FAM83H: variants seen among roughly 807,000 people sequenced by gnomAD.
The protein encoded by FAM83H is scaffolding CK1 anchoring protein H, also known as protein FAM83H.
Under a neutral mutation model 30.2 loss-of-function variants are expected in FAM83H, and 24 were observed. The ratio of observed to expected loss-of-function variants is 0.79; its 90% confidence interval spans 0.57 to 1.12. The LOEUF (loss-of-function observed/expected upper bound fraction) is 1.12. Among genes scored for constraint, FAM83H ranks in the 50% most tolerant of loss-of-function variants. FAM83H has a pLI of 0.00. For synonymous variants in FAM83H, 1,013 were observed against 821.7 expected, an observed-to-expected ratio of 1.23 and a Z score of -3.98; for missense variants, 2,038 against 1,773.9, an observed-to-expected ratio of 1.15 and a Z score of -2.67.
rs782248834 is a variant in FAM83H at position 143,728,289 on chromosome 8, G to C, written c.1172C>G (p.Ala391Gly). 2.0e-6 allele frequency: 3 copies of C among 1,505,680 alleles called. No individual in the cohort carries two copies. The highest frequency in any genetic ancestry group is 2.5e-5 in the South Asian group (2 of 80,414). The allele number at this position is 1,505,680 out of a possible 1,614,324, so 93.3% of individuals were successfully genotyped here. A position where few individuals can be genotyped will look rare whatever the true frequency, so the allele number is the denominator to read the frequency against. The change falls in exon 5 of 5, where the codon GCG becomes GGG. Residue 391 changes from alanine to glycine, a missense_variant. Transcript: ENST00000388913. ...CGCCTGGAAGAAGCCCCGCGCGCCC[G>C]CGAGCTCCCCAGCCGGCCCGGCCTC... ...EAEAGPAGEL[A>G]GARGFFQARH... is the part of the protein sequence containing the mutation.
rs782450910 is a variant in FAM83H, at chr8:143,726,578, G to A, written c.2883C>T (p.Val961=). ...TAAGACGCAAGGAGCCTTTGCGCAGGACTTCCATGGGGCCGCTCGGCCCCT... is the reference window on the plus strand; with the variant it reads ...TAAGACGCAAGGAGCCTTTGCGCAGAACTTCCATGGGGCCGCTCGGCCCCT... ...AEEGPSGPME[V]LRKGSLRLRQ... Residue 961 remains valine, a synonymous_variant, in exon 5 of 5, where the codon GTC becomes GTT. Coordinates refer to ENST00000388913, the MANE Select transcript of FAM83H (RefSeq NM_198488.5). 4.4e-6 allele frequency: 7 copies of A among 1,601,842 alleles called. No homozygotes were observed. The highest frequency in any genetic ancestry group is 1.3e-5 in the African/African-American group (1 of 74,896).
rs782789939 is a variant in FAM83H at position 143,728,365 on chromosome 8, C to T, written c.1096G>A (p.Ala366Thr). ...REEPPRMPGG[A>T]LEPHAGLRPL... ...CGCAGCCCCGCGTGCGGTTCCAGCG[C>T]GCCCCCCGGCATCCGCGGCGGCTCC... is the stretch of plus-strand genomic sequence containing the variant. The change falls in exon 5 of 5, where the codon GCG (alanine) becomes ACG (threonine). Residue 366 changes from alanine (A) to threonine (T), a missense_variant. Ala to Thr is a moderately conservative substitution (Grantham distance 58). Coordinates refer to ENST00000388913, the MANE Select transcript of FAM83H (RefSeq NM_198488.5). 2 of 1,543,194 alleles carry T rather than the reference C, an allele frequency of 1.3e-6. No homozygotes were observed. The highest frequency in any genetic ancestry group is 1.4e-5 in the African/African-American group (1 of 72,668).
Position 143,728,438 on chromosome 8 carries a change from G to A in FAM83H, c.1023C>T (p.Pro341=), listed in dbSNP as rs1000926766. 1.3e-6 allele frequency: 2 copies of A among 1,549,952 alleles called. No homozygotes were observed. Among genetic ancestry groups the A allele is most frequent in the African/African-American group, 2.7e-5 (2 of 73,120 alleles). The change falls in exon 5 of 5, where the codon CCC becomes CCT. Residue 341 remains proline (P), a synonymous_variant. Transcript: ENST00000388913. ...AGTGGCGGTCCGGGTCGAGGAAGGA[G>A]GGGAAGCCCAGGCCCTCTTCCCGGG... The part of the protein sequence containing the change: ...PPPREEGLGF[P]SFLDPDRHFL...
chr8:143,725,156 C>CGGGGGGGGGGGGGGGGGGGGAGG lies in FAM83H; in HGVS notation c.*764_*765insCCTCCCCCCCCCCCCCCCCCCCC, dbSNP rs549881150. On this transcript the variant is annotated 3_prime_UTR_variant, in exon 5 of 5. Transcript: ENST00000388913. Reference sequence around the variant, plus strand: ...AAGCCCAGGCGGGGGAGGGGGGAGACGGGGGGGGGGGGGGGGGAGGGAAGG... The same window carrying CGGGGGGGGGGGGGGGGGGGGAGG: ...AAGCCCAGGCGGGGGAGGGGGGAGACGGGGGGGGGGGGGGGGGGGGAGGGGGGGGGGGGGGGGGGGAGGGAAGG... 8.0e-5 allele frequency: 3 copies of CGGGGGGGGGGGGGGGGGGGGAGG among 37,530 alleles called. No individual in the cohort carries two copies. Among genetic ancestry groups the CGGGGGGGGGGGGGGGGGGGGAGG allele is most frequent in the Admixed American group, 2.4e-4 (1 of 4,216 alleles). The allele number at this position is 37,530 out of a possible 1,614,324, so 2.3% of individuals were successfully genotyped here. A position where few individuals can be genotyped will look rare whatever the true frequency, so the allele number is the denominator to read the frequency against.
chr8:143,729,767 G>A (rs1818446078), intron 2 of FAM83H, among the ~76,000 whole-genome samples: 1 of 152,228 alleles, frequency 6.6e-6, no homozygotes, highest in Admixed American at 6.5e-5. Flanking sequence ...AGTCGCTATG[G>A]TTTAACAGCA....
rs533328105 is a variant in FAM83H at position 143,730,292 on chromosome 8, T to C, written c.291A>G (p.Pro97=). Residue 97 remains proline, a synonymous_variant, in exon 2 of 5, where the codon CCA becomes CCG. Coordinates refer to ENST00000388913, the MANE Select transcript of FAM83H (RefSeq NM_198488.5). ...DMDGSSGTYW[P]VNSDQAVPEL... ...CAGGCACGGCCTGGTCTGAGTTCAC[T>C]GGCCAGTATGTACCCGAGGAGCCAT... 2.7e-5 allele frequency: 43 copies of C among 1,613,552 alleles called. No individual in the cohort carries two copies. The highest frequency in any genetic ancestry group is 3.3e-5 in the Non-Finnish European group (39 of 1,180,020).
intron 1 of FAM83H, chr8:143,731,633 C>T: frequency 1.0e-6 from 1 of 985,482 alleles, no homozygotes; most frequent in Non-Finnish European, 1.2e-6. Flanking sequence ...GATAAAACCT[C>T]CCTGGGCCAC....
rs782664291 is a variant in FAM83H, at chr8:143,726,928, G to A, written c.2533C>T (p.Pro845Ser). The A allele has an allele frequency of 3.1e-6, 5 of 1,611,924 alleles. No homozygotes were observed. In the Admixed American group the frequency reaches 5.0e-5, roughly 16 times the overall value. The change falls in exon 5 of 5, where the codon CCG becomes TCG. Residue 845 changes from proline (P) to serine (S), a missense_variant. By Grantham distance (74) the Pro-to-Ser change is moderately conservative (BLOSUM62 -1). Transcript: ENST00000388913. ...GGCAGAGGGCTGTCCAGCCCTTGCG[G>A]GGACGTTGAGTGGCTCTGGGCAGAG... is the stretch of plus-strand genomic sequence containing the variant. ...FLSAQSHSTSPQGLDSPLPLE... is the reference protein window; with the variant it reads ...FLSAQSHSTSSQGLDSPLPLE...
intron 1 of FAM83H, chr8:143,732,015 A>C (rs552438547): frequency 2.0e-6 from 2 of 985,432 alleles, no homozygotes; most frequent in East Asian, 2.3e-4. Flanking sequence ...CCTAGCACAC[A>C]GGTTCCTGAA....
chr8:143,730,870 G>A (rs1818492260), intron 1 of FAM83H, among the ~76,000 whole-genome samples: 1 of 152,164 alleles, frequency 6.6e-6, no homozygotes, highest in South Asian at 2.1e-4. Flanking sequence ...GAGGCAGGAG[G>A]ACTGCTTGAA....
Position 143,727,428 on chromosome 8 carries a change from C to T in FAM83H, c.2033G>A (p.Arg678His). The change falls in exon 5 of 5, where the codon CGC (arginine) becomes CAC (histidine). Residue 678 changes from arginine (R) to histidine (H), a missense_variant. Arg to His is a conservative substitution (Grantham distance 29). Coordinates refer to ENST00000388913, the MANE Select transcript of FAM83H (RefSeq NM_198488.5). ...FRSRLNPLVQ[R>H]SSRLRSSLIF... ...GAGCGAGGAGCGCAGCCTGGAGCTG[C>T]GCTGGACCAGGGGGTTCAGGCGCGA... The T allele has an allele frequency of 1.3e-6, 2 of 1,571,978 alleles. No homozygotes were observed. The highest frequency in any genetic ancestry group is 1.7e-6 in the Non-Finnish European group (2 of 1,166,756).
In FAM83H at chr8:143,726,776, T is replaced by C; in HGVS notation, c.2685A>G (p.Thr895=). The C allele has an allele frequency of 6.2e-7, 1 of 1,611,780 alleles. No homozygotes were observed. Among genetic ancestry groups the C allele is most frequent in the Non-Finnish European group, 8.5e-7 (1 of 1,179,370 alleles). ...GFSTRRGSPT[T]GFIEQKGSPT... is the part of the protein sequence containing the mutation. The stretch of plus-strand genomic sequence containing the variant: ...GGCTCCCCTTCTGCTCGATAAATCC[T>C]GTAGTTGGACTTCCTCTTCGAGTGG... Residue 895 remains threonine (T), a synonymous_variant, in exon 5 of 5, where the codon ACA becomes ACG. Transcript: ENST00000388913.
intron 1 of FAM83H, chr8:143,732,686 G>A (rs563124941): frequency 1.3e-5 from 13 of 985,206 alleles, no homozygotes; most frequent in African/African-American, 7.0e-5. Flanking sequence ...TCCTCACGTC[G>A]TCTCCTTTCA....
At chr8:143,732,313 G>A (rs376742627) in intron 1 of FAM83H, 8 of 985,292 alleles carry the variant, frequency 8.1e-6, no homozygotes, top group Non-Finnish European at 7.2e-6. Flanking sequence ...GGGCTGGTTA[G>A]GGCACACCGC....
chr8:143,729,191 C>G lies in FAM83H; in HGVS notation c.580G>C (p.Asp194His). 1 of 1,613,652 alleles carries G rather than the reference C, an allele frequency of 6.2e-7. No individual in the cohort carries two copies. The highest frequency in any genetic ancestry group is 8.5e-7 in the Non-Finnish European group (1 of 1,179,962). The stretch of plus-strand genomic sequence containing the variant: ...TGCTGCAGGTTGACACGGCACTTGT[C>G]GGCCATGTCCAGGAAGTGCTGCGCG... ...MNAQHFLDMADKCRVNLQHVD... is the reference protein window; with the variant it reads ...MNAQHFLDMAHKCRVNLQHVD... Residue 194 changes from aspartate (D) to histidine (H), a missense_variant, in exon 3 of 5, where the codon GAC (aspartate) becomes CAC (histidine). By Grantham distance (81) the Asp-to-His change is moderately conservative. Coordinates refer to ENST00000388913, the MANE Select transcript of FAM83H (RefSeq NM_198488.5).
chr8:143,725,724 G>A lies in FAM83H; in HGVS notation c.*197C>T. On this transcript the variant is annotated 3_prime_UTR_variant, in exon 5 of 5. Coordinates refer to ENST00000388913, the MANE Select transcript of FAM83H (RefSeq NM_198488.5). ...AGGGGTGCAGCCCCAGCGTTGGGGA[G>A]GCCAGGGGGCAGAGACGGCAGCTGC... The A allele has an allele frequency of 1.2e-6, 1 of 867,836 alleles. No individual in the cohort carries two copies. The highest frequency in any genetic ancestry group is 1.7e-6 in the Non-Finnish European group (1 of 576,704). The allele number at this position is 867,836 out of a possible 1,614,324, so 53.8% of individuals were successfully genotyped here. A position where few individuals can be genotyped will look rare whatever the true frequency, so the allele number is the denominator to read the frequency against.
In FAM83H at chr8:143,727,710, G is replaced by T; in HGVS notation, c.1751C>A (p.Ala584Asp). ...GRAGLRRWRL[A>D]SYLSGCHGED... ...GCCGTGGCAGCCGCTCAAGTAGGAG[G>T]CCAAACGCCAGCGCCGCAGCCCTGC... The change falls in exon 5 of 5, where the codon GCC becomes GAC. Residue 584 changes from alanine to aspartate, a missense_variant. Transcript: ENST00000388913. 1 of 1,551,596 alleles carries T rather than the reference G, an allele frequency of 6.4e-7. No homozygotes were observed. Among genetic ancestry groups the T allele is most frequent in the Non-Finnish European group, 8.6e-7 (1 of 1,156,954 alleles).
intron 2 of FAM83H, 90 bp from the exon 3 acceptor site, chr8:143,729,413 A>G (rs1478463548): frequency 6.9e-7 from 1 of 1,449,336 alleles, no homozygotes; most frequent in Non-Finnish European, 9.6e-7. Flanking sequence ...AGGTGTCTGG[A>G]TCACCCACGA....
rs1818614854 is a variant in FAM83H at position 143,733,647 on chromosome 8, C to CCGCCT, written c.-16+39_-16+43dup. 3 of 150,840 alleles carry CCGCCT rather than the reference C, an allele frequency of 2.0e-5. No homozygotes were observed. The highest frequency in any genetic ancestry group is 2.0e-4 in the Admixed American group (3 of 15,146). The allele number at this position is 150,840 out of a possible 1,614,324, so 9.3% of individuals were successfully genotyped here. A position where few individuals can be genotyped will look rare whatever the true frequency, so the allele number is the denominator to read the frequency against. On this transcript the variant is annotated intron_variant, in intron 1 of 4. Coordinates refer to ENST00000388913, the MANE Select transcript of FAM83H (RefSeq NM_198488.5). The surrounding 1 kb of genome is among the most constrained non-coding windows in gnomAD (Gnocchi z 5.6). ...GACCGCGCCAAGGGGCGCCCGCCCC[C>CCGCCT]CGCCTCGCCCCGCCCCGCTCGGGCC...
Sources: gnomAD v4.1 joint callset for allele counts (sites outside exome capture counted in the v4.1 genomes callset) on GRCh38, gnomAD v4.1.1 for gene constraint, Gnocchi (gnomAD v3.1) non-coding constraint, MANE v1.5 for transcripts, NCBI Gene and HGNC (gene_info 2026-07-23, HGNC 2026-07-21) for gene names.